Variants in NAV3 observed in about 807,000 individuals in gnomAD.
NAV3 encodes pore membrane and/or filament interacting like protein 1.
In NAV3, 87 loss-of-function variants were observed where a neutral mutation model predicts 244.7. The ratio of observed to expected loss-of-function variants is 0.36; its 90% confidence interval spans 0.30 to 0.42. The LOEUF (loss-of-function observed/expected upper bound fraction) is 0.42, where lower values mean the gene tolerates loss of function less well. Ranked by LOEUF, NAV3 falls within the 20% of genes least tolerant of loss-of-function variation. The probability of loss-of-function intolerance (pLI) is 1.00; values close to 1 mark genes in which losing one functional copy is unlikely to be tolerated. For missense variants in NAV3, 2,663 were observed against 2,893.3 expected (o/e 0.92, Z 1.83); for synonymous variants, 1,126 against 1,042.2 (o/e 1.08, Z -1.55).
intron 2 of NAV3, among the ~76,000 whole-genome samples, chr12:77,766,671 C>T (rs1472700496): frequency 6.8e-6 from 1 of 147,590 alleles, no homozygotes; most frequent in Non-Finnish European, 1.5e-5. Context: ...GTAATCTTGA[C>T]CAAATCATAT....
At chr12:77,897,068 C>G (rs1207022233) in intron 1 of NAV3, among the ~76,000 whole-genome samples, 1 of 152,156 alleles carries the variant, frequency 6.6e-6, no homozygotes, top group Non-Finnish European at 1.5e-5. Context: ...CCTGGTGAAA[C>G]ACAATCTGCA....
intron 8 of NAV3, among the ~76,000 whole-genome samples, chr12:78,010,295 T>C (rs536745360): frequency 2.6e-5 from 4 of 152,310 alleles, no homozygotes; most frequent in African/African-American, 9.6e-5. Context: ...TCTATCCCCA[T>C]GTAAGAATCC....
chr12:77,842,609 T>C (rs1426164326), intron 1 of NAV3, among the ~76,000 whole-genome samples: 1 of 150,560 alleles, frequency 6.6e-6, no homozygotes, highest in East Asian at 1.9e-4. Context: ...TAAGGAGGTG[T>C]CCTCTCTCTT....
chr12:77,979,222 TAC>T (rs1365357833), intron 5 of NAV3, among the ~76,000 whole-genome samples: 2 of 16,120 alleles, frequency 1.2e-4, no homozygotes, highest in Admixed American at 1.0e-3. Flanking sequence ...AAAAATACAA[TAC>T]AAAAAAAAAA....
At chr12:77,758,912 C>G (rs557272679) in intron 2 of NAV3, among the ~76,000 whole-genome samples, 6 of 152,214 alleles carry the variant, frequency 3.9e-5, no homozygotes, top group East Asian at 1.9e-4. Flanking sequence ...TTCATTTAAG[C>G]CAAAGCATCA....
intron 12 of NAV3, among the ~76,000 whole-genome samples, chr12:78,079,193 G>A (rs75934370): frequency 0.029 from 4,344 of 152,238 alleles, 92 homozygotes; most frequent in Middle Eastern, 0.061. Flanking sequence ...TACATCCTGC[G>A]CAAGGATGGG....
intron 2 of NAV3, among the ~76,000 whole-genome samples, chr12:77,588,846 T>C (rs1869767044): frequency 6.6e-6 from 1 of 152,226 alleles, no homozygotes; most frequent in Admixed American, 6.5e-5. Context: ...TTCTACAACT[T>C]TGATTCTGTT....
chr12:77,966,179 G>A (rs781494444), intron 3 of NAV3, 50 bp from the exon 4 acceptor site: 1 of 1,491,510 alleles, frequency 6.7e-7, no homozygotes. Context: ...ACATGTATTT[G>A]TTAAAATATA....
At chr12:77,842,330 A>G (rs1004633496) in intron 1 of NAV3, among the ~76,000 whole-genome samples, 1 of 151,756 alleles carries the variant, frequency 6.6e-6, no homozygotes, top group African/African-American at 2.4e-5. Flanking sequence ...TTCTGTTCCA[A>G]CCTGCTCATC....
rs1243228181 is a variant in NAV3 at position 77,887,124 on chromosome 12, C to T, written c.244-53195C>T. Among the ~76,000 whole-genome samples the T allele has an allele frequency of 4.6e-5, 7 of 152,036 alleles. No individual in the cohort carries two copies. The South Asian group carries it at 8.3e-4, about 18-fold the overall frequency. ...TCACAGTGGCTTTTCAGCATAGGTG[C>T]ATTTAATTAGGAAATTCAGTGATAG... On this transcript the variant is annotated intron_variant, in intron 1 of 39. Coordinates refer to ENST00000397909, the MANE Select transcript of NAV3 (RefSeq NM_001024383.2).
chr12:78,076,892 A>G (rs565894713), intron 12 of NAV3, among the ~76,000 whole-genome samples: 18 of 152,118 alleles, frequency 1.2e-4, no homozygotes, highest in South Asian at 6.2e-4. Flanking sequence ...TTTGACCAAG[A>G]TATTAATATG....
At chr12:77,958,223 G>A (rs1340449687) in intron 3 of NAV3, among the ~76,000 whole-genome samples, 2 of 152,044 alleles carry the variant, frequency 1.3e-5, no homozygotes, top group Non-Finnish European at 2.9e-5. Flanking sequence ...GAAAAATTCT[G>A]CCTTGAAAAA....
At chr12:77,611,828 C>T (rs1870928569) in intron 2 of NAV3, among the ~76,000 whole-genome samples, 1 of 151,854 alleles carries the variant, frequency 6.6e-6, no homozygotes, top group Non-Finnish European at 1.5e-5. Context: ...CAGTGCTCTG[C>T]CCATTGGGAG....
At chr12:77,667,295 C>T (rs1010629532) in intron 2 of NAV3, among the ~76,000 whole-genome samples, 2 of 152,142 alleles carry the variant, frequency 1.3e-5, no homozygotes, top group Non-Finnish European at 2.9e-5. Context: ...CTGCCGCAGG[C>T]TCCCTGAGAT....
chr12:77,924,973 G>A (rs1212236861), intron 1 of NAV3, among the ~76,000 whole-genome samples: 1 of 151,712 alleles, frequency 6.6e-6, no homozygotes, highest in Non-Finnish European at 1.5e-5. Flanking sequence ...CAAGACTCAA[G>A]ATCCAGTAGT....
intron 1 of NAV3, among the ~76,000 whole-genome samples, chr12:77,879,371 T>C (rs1882299519): frequency 6.6e-6 from 1 of 152,044 alleles, no homozygotes; most frequent in South Asian, 2.1e-4. Flanking sequence ...ATATCATGCA[T>C]ATGAAAATTA....
chr12:77,761,403 C>T (rs1311310055), intron 2 of NAV3, among the ~76,000 whole-genome samples: 1 of 152,124 alleles, frequency 6.6e-6, no homozygotes, highest in African/African-American at 2.4e-5. Context: ...GCTGCTATCT[C>T]CCAACATTGT....
chr12:77,930,972 C>G (rs904620576), intron 1 of NAV3, among the ~76,000 whole-genome samples: 3 of 151,702 alleles, frequency 2.0e-5, no homozygotes, highest in Non-Finnish European at 4.4e-5. Flanking sequence ...TCTTTGTGCC[C>G]CACCCTCCTG....
chr12:77,906,350 A>T (rs1030932486), intron 1 of NAV3, among the ~76,000 whole-genome samples: 3 of 152,132 alleles, frequency 2.0e-5, no homozygotes, highest in Admixed American at 2.0e-4. Flanking sequence ...GCTTATTGGA[A>T]AGAGCCAGCA....
Sources: gnomAD v4.1 joint callset for allele counts (sites outside exome capture counted in the v4.1 genomes callset) on GRCh38, gnomAD v4.1.1 for gene constraint, MANE v1.5 for transcripts, NCBI Gene and HGNC (gene_info 2026-07-23, HGNC 2026-07-21) for gene names.